The following ZDHHC1 variants were observed in gnomAD, a reference collection of about 807,000 sequenced individuals.
ZDHHC1 encodes zDHHC palmitoyltransferase 1.
In ZDHHC1, 45 loss-of-function variants were observed where a neutral mutation model predicts 46.9. The observed-to-expected ratio is 0.96, with a 90% CI of 0.76 to 1.23. ZDHHC1 has a LOEUF of 1.23. Ranked by LOEUF, ZDHHC1 falls within the 50% of genes most tolerant of loss-of-function variation. ZDHHC1 has a pLI of 0.00. For missense variants in ZDHHC1, 649 were observed against 670.8 expected (o/e 0.97, Z 0.36); for synonymous variants, 291 against 286.0 (o/e 1.02, Z -0.18).
rs2040667011 is a variant in ZDHHC1, at chr16:67,406,638, A to G, written c.10-196T>C. On this transcript the variant is annotated intron_variant, in intron 2 of 11. Coordinates refer to ENST00000565726, the MANE Select transcript of ZDHHC1 (RefSeq NM_001323627.2). The surrounding 1 kb of genome is among the most constrained non-coding windows in gnomAD (Gnocchi z 4.1). ...AGTGGGCTGCTGTCTCAAAGCCCAA[A>G]GCAAACCCTGGCCCTAGACTGGCCA... Among the ~76,000 whole-genome samples the G allele has an allele frequency of 6.6e-6, 1 of 152,190 alleles. No homozygotes were observed. Among genetic ancestry groups the G allele is most frequent in the Non-Finnish European group, 1.5e-5 (1 of 68,030 alleles).
rs774308736 is a variant in ZDHHC1 at position 67,398,340 on chromosome 16, G to A, written c.815-16C>T. ...TTGTGCCACACTGGTGGGGGGAGGAGAGGGCTCAGTGCGGTGGAAGGGGGA... is the reference window on the plus strand; with the variant it reads ...TTGTGCCACACTGGTGGGGGGAGGAAAGGGCTCAGTGCGGTGGAAGGGGGA... On this transcript the variant is annotated splice_polypyrimidine_tract_variant and intron_variant, in intron 7 of 11. Coordinates refer to ENST00000565726, the MANE Select transcript of ZDHHC1 (RefSeq NM_001323627.2). 27 of 1,609,956 alleles carry A rather than the reference G, an allele frequency of 1.7e-5. No homozygotes were observed. Among genetic ancestry groups the A allele is most frequent in the Non-Finnish European group, 1.9e-5 (22 of 1,177,878 alleles).
intron 1 of ZDHHC1, among the ~76,000 whole-genome samples, chr16:67,415,623 G>A (rs2040821470): frequency 6.6e-6 from 1 of 152,108 alleles, no homozygotes; most frequent in Non-Finnish European, 1.5e-5. Flanking sequence ...CGGGCGTGGC[G>A]GCGGGCGCCT....
intron 8 of ZDHHC1, 135 bp downstream of exon 8, chr16:67,398,077 G>T: frequency 1.2e-6 from 1 of 864,972 alleles, no homozygotes; most frequent in Non-Finnish European, 1.8e-6. Context: ...CACACGCTCA[G>T]CACAAGCCCG....
chr16:67,398,470 A>G, intron 7 of ZDHHC1, 103 bp downstream of exon 7: 1 of 1,518,006 alleles, frequency 6.6e-7, no homozygotes, highest in South Asian at 1.2e-5. Context: ...TAGTGAGCCC[A>G]TACTAGGCAG....
intron 8 of ZDHHC1, among the ~76,000 whole-genome samples, chr16:67,397,829 A>G (rs1459842524): frequency 6.6e-6 from 1 of 152,218 alleles, no homozygotes; most frequent in Non-Finnish European, 1.5e-5. Flanking sequence ...AAATTAGGGT[A>G]ATGGGTATAA....
intron 3 of ZDHHC1, among the ~76,000 whole-genome samples, chr16:67,405,663 CTT>C (rs1056071568): frequency 1.1e-4 from 16 of 152,202 alleles, no homozygotes; most frequent in African/African-American, 3.1e-4. Context: ...CATCCCATCT[CTT>C]GTCACATTCA....
At position 67,395,010 on chromosome 16, in the gene ZDHHC1, G is replaced by A. The variant is rs769869424; in HGVS notation, c.1157C>T (p.Pro386Leu). Residue 386 changes from proline (P) to leucine (L), a missense_variant, in exon 11 of 12, where the codon CCG (proline) becomes CTG (leucine). Transcript: ENST00000565726. ...YKVRTSETSD[P>L]ASGPRAPSRR... ...CAGGGAGAGGCGCTCACCCGACGCC[G>A]GATCCGAGGTCTCAGACGTTCGCAC... The A allele has an allele frequency of 6.7e-5, 108 of 1,610,234 alleles. No individual in the cohort carries two copies. The highest frequency in any genetic ancestry group is 8.8e-5 in the Non-Finnish European group (104 of 1,178,426).
Position 67,406,540 on chromosome 16 carries a change from G to C in ZDHHC1, c.10-98C>G. The stretch of plus-strand genomic sequence containing the variant: ...GCCAAGTTTCAGCACAGGGGGAGTA[G>C]GCTGCGACAGCTACTCTGCTGGGGA... On this transcript the variant is annotated intron_variant, in intron 2 of 11. Coordinates refer to ENST00000565726, the MANE Select transcript of ZDHHC1 (RefSeq NM_001323627.2). The surrounding 1 kb of genome is among the most constrained non-coding windows in gnomAD (Gnocchi z 4.1). 7.2e-7 allele frequency: 1 copy of C among 1,391,136 alleles called. No homozygotes were observed. The highest frequency in any genetic ancestry group is 2.6e-5 in the East Asian group (1 of 39,118). The allele number at this position is 1,391,136 out of a possible 1,614,324, so 86.2% of individuals were successfully genotyped here.
At chr16:67,399,042 G>A in intron 5 of ZDHHC1, 98 bp from the exon 6 acceptor site, 1 of 1,463,826 alleles carries the variant, frequency 6.8e-7, no homozygotes, top group Non-Finnish European at 9.0e-7. Flanking sequence ...GGGCTCAGAG[G>A]GCTGAGGGTG....
At chr16:67,412,766 G>A (rs541356284) in intron 1 of ZDHHC1, among the ~76,000 whole-genome samples, 8 of 152,032 alleles carry the variant, frequency 5.3e-5, no homozygotes, top group South Asian at 2.1e-4. Context: ...TAGAGGACTT[G>A]TGGTTTCCAT....
intron 4 of ZDHHC1, 145 bp from the exon 5 acceptor site, chr16:67,399,601 G>C (rs2142233144): frequency 3.3e-6 from 2 of 612,388 alleles, no homozygotes; most frequent in East Asian, 6.4e-5. Context: ...GAGCGCGCGC[G>C]CCCTCTGCAG....
intron 4 of ZDHHC1, among the ~76,000 whole-genome samples, chr16:67,400,595 G>A (rs77568300): frequency 0.028 from 4,289 of 152,288 alleles, 99 homozygotes; most frequent in South Asian, 0.059. Context: ...AAGCCATGCG[G>A]GGTGGCTGCA....
In ZDHHC1 at chr16:67,394,258, C is replaced by T. The variant is rs530955415; in HGVS notation, c.*352G>A. 6.6e-6 allele frequency among the ~76,000 whole-genome samples: 1 copy of T among 152,194 alleles called. No homozygotes were observed. Among genetic ancestry groups the T allele is most frequent in the Non-Finnish European group, 1.5e-5 (1 of 68,018 alleles). On this transcript the variant is annotated 3_prime_UTR_variant, in exon 12 of 12. Coordinates refer to ENST00000565726, the MANE Select transcript of ZDHHC1 (RefSeq NM_001323627.2). ...AAAATAACCTCCTCCAGGCCGCCTT[C>T]TAAGGCCTTTCCTAACCACGAGCCG...
At chr16:67,409,348 A>G (rs1443008421) in intron 1 of ZDHHC1, among the ~76,000 whole-genome samples, 1 of 151,880 alleles carries the variant, frequency 6.6e-6, no homozygotes, top group Non-Finnish European at 1.5e-5. Flanking sequence ...CAAATCGGAT[A>G]CCCCCTGATA....
Position 67,414,262 on chromosome 16 carries a change from A to C in ZDHHC1, c.-39+1909T>G, listed in dbSNP as rs113421999. Among the ~76,000 whole-genome samples, 1,128 of 152,362 alleles carry C rather than the reference A, an allele frequency of 7.4e-3. 24 individuals carry two copies. Among genetic ancestry groups the C allele is most frequent in the African/African-American group, 0.025 (1,047 of 41,576 alleles). ...AACAACGTTGTGACAGAACAAAGAA[A>C]GAAAAACAAAAACAAAACAAAACAA... On this transcript the variant is annotated intron_variant, in intron 1 of 11. Transcript: ENST00000565726.
chr16:67,407,472 G>C (rs1475229562), intron 2 of ZDHHC1, among the ~76,000 whole-genome samples: 1 of 152,182 alleles, frequency 6.6e-6, no homozygotes, highest in East Asian at 1.9e-4. Flanking sequence ...CGCAGACCCC[G>C]ACTCAGTGCA....
rs1051815852 is a variant in ZDHHC1 at position 67,401,802 on chromosome 16, A to C, written c.253-670T>G. ...CAGCTCTTCCAGGATCTAACTGCTC[A>C]ATGACTGGGCCAAATGCAGGAGACA... is the stretch of plus-strand genomic sequence containing the variant. On this transcript the variant is annotated intron_variant, in intron 3 of 11. Coordinates refer to ENST00000565726, the MANE Select transcript of ZDHHC1 (RefSeq NM_001323627.2). The surrounding 1 kb of genome is among the most constrained non-coding windows in gnomAD (Gnocchi z 4.6). Among the ~76,000 whole-genome samples the C allele has an allele frequency of 6.6e-6, 1 of 152,184 alleles. No homozygotes were observed. Among genetic ancestry groups the C allele is most frequent in the African/African-American group, 2.4e-5 (1 of 41,436 alleles).
Position 67,401,294 on chromosome 16 carries a change from C to A in ZDHHC1, c.253-162G>T, listed in dbSNP as rs1401456555. 3.3e-5 allele frequency among the ~76,000 whole-genome samples: 5 copies of A among 152,220 alleles called. No homozygotes were observed. Among genetic ancestry groups the A allele is most frequent in the African/African-American group, 9.6e-5 (4 of 41,452 alleles). ...GTCCCCCAAAGCCTCCTCATCAGAC[C>A]TCTCCAGGTAACCCCTATGCCCCAA... On this transcript the variant is annotated intron_variant, in intron 3 of 11. Transcript: ENST00000565726. This position sits in a 1 kb window ranked among gnomAD's most constrained non-coding sequence, Gnocchi z 4.6.
rs1409364562 is a variant in ZDHHC1 at position 67,406,579 on chromosome 16, G to T, written c.10-137C>A. On this transcript the variant is annotated intron_variant, in intron 2 of 11. Coordinates refer to ENST00000565726, the MANE Select transcript of ZDHHC1 (RefSeq NM_001323627.2). The surrounding 1 kb of genome is among the most constrained non-coding windows in gnomAD (Gnocchi z 4.1). ...CTCTGCTGGGGAAACTGGGGTCCTA[G>T]CACAATAGAGATGGGCAGTGGGGAG... is the stretch of plus-strand genomic sequence containing the variant. 2 of 1,148,628 alleles carry T rather than the reference G, an allele frequency of 1.7e-6. No homozygotes were observed. The highest frequency in any genetic ancestry group is 1.6e-5 in the African/African-American group (1 of 62,924). 71.2% of individuals were successfully genotyped at this position (1,148,628 alleles called of 1,614,324 possible).
Sources: gnomAD v4.1 joint callset for allele counts (sites outside exome capture counted in the v4.1 genomes callset) on GRCh38, gnomAD v4.1.1 for gene constraint, Gnocchi (gnomAD v3.1) non-coding constraint, MANE v1.5 for transcripts, NCBI Gene and HGNC (gene_info 2026-07-23, HGNC 2026-07-21) for gene names.